Variants in SDHC observed in about 807,000 individuals in gnomAD.
The protein encoded by SDHC is succinate dehydrogenase cytochrome b560 subunit, mitochondrial.
SDHC carries 11 observed loss-of-function variants against 22.6 expected under a neutral mutation model. The ratio of observed to expected loss-of-function variants is 0.49; its 90% CI spans 0.31 to 0.81. The LOEUF (loss-of-function observed/expected upper bound fraction) is 0.81. Ranked by LOEUF, SDHC falls within the 30% of genes least tolerant of loss-of-function variation. SDHC has a pLI of 0.05. For synonymous variants in SDHC, 80 were observed against 77.8 expected (o/e 1.03, Z -0.15); for missense variants, 160 against 212.0 (o/e 0.75, Z 1.52).
At chr1:161,358,738 C>T (rs565209434) in intron 5 of SDHC, among the ~76,000 whole-genome samples, 2 of 152,020 alleles carry the variant, frequency 1.3e-5, no homozygotes, top group South Asian at 2.1e-4. Flanking sequence ...ACCAGCCTTA[C>T]CAACATGGAG....
At chr1:161,325,325 T>C (rs1671010341) in intron 2 of SDHC, among the ~76,000 whole-genome samples, 2 of 151,094 alleles carry the variant, frequency 1.3e-5, no homozygotes. Flanking sequence ...CTGGGCAACA[T>C]AGGGATACCC....
intron 4 of SDHC, among the ~76,000 whole-genome samples, chr1:161,344,884 C>T (rs1437804520): frequency 6.6e-6 from 1 of 152,128 alleles, no homozygotes; most frequent in African/African-American, 2.4e-5. Flanking sequence ...GACCGAATGG[C>T]AAGAGAAATT....
At chr1:161,338,869 G>A (rs1363253602) in intron 3 of SDHC, among the ~76,000 whole-genome samples, 2 of 151,822 alleles carry the variant, frequency 1.3e-5, no homozygotes, top group African/African-American at 4.8e-5. Flanking sequence ...TTTTTTTTGA[G>A]ATGGAGTCAC....
At chr1:161,340,729 C>A (rs9970904) in intron 4 of SDHC, 74 bp downstream of exon 4, 1 of 1,141,920 alleles carries the variant, frequency 8.8e-7, no homozygotes, top group Non-Finnish European at 1.3e-6. Context: ...CCCTAGTCTC[C>A]GCCTCCTTTG....
intron 1 of SDHC, among the ~76,000 whole-genome samples, chr1:161,317,219 G>A (rs1035590609): frequency 2.3e-4 from 35 of 151,788 alleles, no homozygotes; most frequent in African/African-American, 6.0e-4. Context: ...TAGTAGAGAC[G>A]GGGTTTCACC....
At chr1:161,356,599 C>G in intron 4 of SDHC, 78 bp from the exon 5 acceptor site, 2 of 1,411,498 alleles carry the variant, frequency 1.4e-6, no homozygotes, top group South Asian at 2.3e-5. Flanking sequence ...GTATGAGGTG[C>G]CAGGGGTCCC....
intron 4 of SDHC, among the ~76,000 whole-genome samples, chr1:161,352,578 A>G (rs1384296771): frequency 1.3e-5 from 2 of 152,130 alleles, no homozygotes; most frequent in Non-Finnish European, 2.9e-5. Flanking sequence ...TTGTTTAAGG[A>G]CTCAACCCAT....
rs1172289876 is a variant in SDHC, at chr1:161,330,757, T to C, written c.179+2260T>C. On this transcript the variant is annotated intron_variant, in intron 3 of 5. Coordinates refer to ENST00000367975, the MANE Select transcript of SDHC (RefSeq NM_003001.5). ...GCTCACATCTGTAATCCTAGCACTTTGGGAGACCAAAGCAGGTGAATTTCC... is the reference window on the plus strand; with the variant it reads ...GCTCACATCTGTAATCCTAGCACTTCGGGAGACCAAAGCAGGTGAATTTCC... Among the ~76,000 whole-genome samples the C allele has an allele frequency of 2.0e-5, 3 of 152,152 alleles. No homozygotes were observed. The East Asian group carries it at 5.8e-4, about 29-fold the overall frequency.
At chr1:161,329,904 G>A (rs1039937824) in intron 3 of SDHC, among the ~76,000 whole-genome samples, 1 of 152,052 alleles carries the variant, frequency 6.6e-6, no homozygotes, top group Non-Finnish European at 1.5e-5. Context: ...GTATCACTCT[G>A]ACTTCTTCTA....
intron 5 of SDHC, among the ~76,000 whole-genome samples, chr1:161,360,400 C>A (rs1672462148): frequency 6.7e-6 from 1 of 149,898 alleles, no homozygotes; most frequent in Non-Finnish European, 1.5e-5. Context: ...ACCAAAAATA[C>A]AAAAAATTAG....
intron 4 of SDHC, among the ~76,000 whole-genome samples, chr1:161,345,867 G>A (rs751047337): frequency 6.6e-6 from 1 of 151,880 alleles, no homozygotes; most frequent in Admixed American, 6.6e-5. Flanking sequence ...GTGCAGTGGC[G>A]CGATCTCAGC....
At chr1:161,339,662 G>GTGTTTTTT (rs1671638291) in intron 3 of SDHC, 1 of 49,566 alleles carries the variant, frequency 2.0e-5, no homozygotes, top group Non-Finnish European at 3.5e-5. Flanking sequence ...TGATACAGGT[G>GTGTTTTTT]TTTTTTTTTT....
chr1:161,355,765 C>G (rs546240021), intron 4 of SDHC, among the ~76,000 whole-genome samples: 1 of 152,256 alleles, frequency 6.6e-6, no homozygotes, highest in East Asian at 1.9e-4. Context: ...GGGCGAATCA[C>G]TTGAGGCCAG....
chr1:161,349,245 T>A (rs941504776), intron 4 of SDHC, among the ~76,000 whole-genome samples: 1 of 152,088 alleles, frequency 6.6e-6, no homozygotes, highest in Non-Finnish European at 1.5e-5. Context: ...GGTGGATTGC[T>A]TAAGACCAGG....
intron 5 of SDHC, among the ~76,000 whole-genome samples, chr1:161,358,463 G>A (rs1672368862): frequency 1.3e-5 from 2 of 151,868 alleles, no homozygotes; most frequent in Non-Finnish European, 2.9e-5. Context: ...TGACCTCATC[G>A]TCTGCTCAAA....
At chr1:161,344,410 C>T (rs1671824797) in intron 4 of SDHC, among the ~76,000 whole-genome samples, 1 of 151,618 alleles carries the variant, frequency 6.6e-6, no homozygotes, top group South Asian at 2.1e-4. Context: ...TGAGCTGTCA[C>T]TGTGCCACTG....
At chr1:161,328,569 A>G in intron 3 of SDHC, 72 bp downstream of exon 3, 1 of 1,059,530 alleles carries the variant, frequency 9.4e-7, no homozygotes, top group Non-Finnish European at 1.5e-6. Flanking sequence ...TCTTTAGCCT[A>G]CTTGATACTT....
chr1:161,343,851 A>G (rs941461347), intron 4 of SDHC, among the ~76,000 whole-genome samples: 1 of 152,166 alleles, frequency 6.6e-6, no homozygotes, highest in Non-Finnish European at 1.5e-5. Flanking sequence ...TGACTTTTTT[A>G]TAGACTATAA....
chr1:161,332,187 C>A (rs1349656942), intron 3 of SDHC, among the ~76,000 whole-genome samples: 1 of 152,128 alleles, frequency 6.6e-6, no homozygotes, highest in Non-Finnish European at 1.5e-5. Flanking sequence ...ATTACCCAGG[C>A]TGGTCTTGAA....
Sources: allele counts gnomAD v4.1 joint callset (sites outside exome capture counted in the v4.1 genomes callset), GRCh38; gene constraint gnomAD v4.1.1; transcripts MANE v1.5; gene names NCBI Gene and HGNC (gene_info 2026-07-23, HGNC 2026-07-21).